VPS13B: variants seen among roughly 807,000 people sequenced by gnomAD.
VPS13B encodes the protein intermembrane lipid transfer protein VPS13B.
A neutral mutation model predicts 426.4 loss-of-function variants in VPS13B; 285 were observed. The observed-to-expected ratio is 0.67, with a 90% CI of 0.61 to 0.74. VPS13B has a LOEUF of 0.74. Among genes scored for constraint, VPS13B ranks in the 30% least tolerant of loss-of-function variants. VPS13B has a pLI of 0.00. For synonymous variants in VPS13B, 1,676 were observed against 1,676.4 expected, an observed-to-expected ratio of 1.00 and a Z score of 0.01; for missense variants, 4,537 against 4,782.6, an observed-to-expected ratio of 0.95 and a Z score of 1.51.
intron 3 of VPS13B, among the ~76,000 whole-genome samples, chr8:99,087,310 A>G (rs929320038): frequency 6.6e-6 from 1 of 152,100 alleles, no homozygotes; most frequent in African/African-American, 2.4e-5. Context: ...TTGGAAAAGC[A>G]CAGTATTAGG....
intron 2 of VPS13B, among the ~76,000 whole-genome samples, chr8:99,022,638 C>G (rs947905657): frequency 5.3e-5 from 8 of 152,066 alleles, no homozygotes; most frequent in Non-Finnish European, 1.2e-4. Flanking sequence ...TAGAGTTCTT[C>G]AAATCTTGTA....
At chr8:99,335,226 C>T (rs933309897) in intron 19 of VPS13B, among the ~76,000 whole-genome samples, 8 of 151,836 alleles carry the variant, frequency 5.3e-5, no homozygotes, top group African/African-American at 1.2e-4. Flanking sequence ...TATTTTATTG[C>T]GTCTATTTGA....
Position 99,640,084 on chromosome 8 carries a change from A to G in VPS13B, c.5221-1727A>G, listed in dbSNP as rs564183320. Among the ~76,000 whole-genome samples, 1,192 of 148,246 alleles carry G rather than the reference A, an allele frequency of 8.0e-3. 20 individuals are homozygous for G. Among genetic ancestry groups the G allele is most frequent in the South Asian group, 0.06 (276 of 4,628 alleles). The stretch of plus-strand genomic sequence containing the variant: ...AAGAAAAGAAAAGAAAAGAAAAGAA[A>G]AGAAAAGAAAAGAAAAGAAAAGAAA... On this transcript the variant is annotated intron_variant, in intron 33 of 61. Coordinates refer to ENST00000357162, the MANE Select transcript of VPS13B (RefSeq NM_152564.5).
At chr8:99,510,962 A>G (rs1821761170) in intron 28 of VPS13B, 142 bp from the exon 29 acceptor site, 1 of 871,130 alleles carries the variant, frequency 1.1e-6, no homozygotes, top group African/African-American at 1.7e-5. Flanking sequence ...CATCTGCAGA[A>G]TTGATCAGTC....
chr8:99,342,199 A>C (rs1012357602), intron 19 of VPS13B, among the ~76,000 whole-genome samples: 3 of 152,250 alleles, frequency 2.0e-5, no homozygotes, highest in African/African-American at 7.2e-5. Flanking sequence ...TGATTAAATC[A>C]AGACAATTAA....
intron 23 of VPS13B, among the ~76,000 whole-genome samples, chr8:99,459,391 A>G (rs1263030021): frequency 7.9e-5 from 12 of 152,146 alleles, no homozygotes. Flanking sequence ...TTTTTGGTTC[A>G]TGTACAGTCA....
intron 39 of VPS13B, among the ~76,000 whole-genome samples, chr8:99,756,088 T>C (rs923633518): frequency 2.0e-5 from 3 of 152,042 alleles, no homozygotes; most frequent in African/African-American, 7.2e-5. Flanking sequence ...AAAAAGGCCA[T>C]GTCTAAAAAG....
intron 39 of VPS13B, among the ~76,000 whole-genome samples, chr8:99,759,657 C>T (rs77870264): frequency 0.043 from 6,515 of 152,082 alleles, 146 homozygotes; most frequent in African/African-American, 0.05. Context: ...TCAGAATGGC[C>T]AAAAATGAAC....
At chr8:99,512,990 C>T (rs1446313110) in intron 29 of VPS13B, among the ~76,000 whole-genome samples, 3 of 139,140 alleles carry the variant, frequency 2.2e-5, no homozygotes, top group African/African-American at 8.1e-5. Context: ...GCTTGGGTGA[C>T]AGAGCAAGAC....
intron 40 of VPS13B, among the ~76,000 whole-genome samples, chr8:99,767,681 C>A (rs999842864): frequency 3.3e-5 from 5 of 152,108 alleles, no homozygotes; most frequent in Non-Finnish European, 4.4e-5. Flanking sequence ...GTAATCCCAG[C>A]ACTTTGGAAG....
intron 39 of VPS13B, among the ~76,000 whole-genome samples, chr8:99,739,800 T>A (rs942072235): frequency 6.6e-6 from 1 of 152,084 alleles, no homozygotes; most frequent in Admixed American, 6.6e-5. Flanking sequence ...AGAAAGGACA[T>A]CCACACCAAA....
chr8:99,872,809 G>T (rs544361300), intron 61 of VPS13B, among the ~76,000 whole-genome samples: 2 of 151,460 alleles, frequency 1.3e-5, no homozygotes, highest in South Asian at 4.2e-4. Flanking sequence ...TCCTGGGATG[G>T]GGGCGTGTAT....
intron 35 of VPS13B, among the ~76,000 whole-genome samples, chr8:99,677,083 T>C (rs1243723431): frequency 6.6e-6 from 1 of 152,160 alleles, no homozygotes; most frequent in Non-Finnish European, 1.5e-5. Flanking sequence ...GTCATTGCAC[T>C]TCAGCCTGGG....
chr8:99,681,577 A>T (rs1340174482), intron 35 of VPS13B, among the ~76,000 whole-genome samples: 3 of 152,230 alleles, frequency 2.0e-5, no homozygotes, highest in Non-Finnish European at 4.4e-5. Context: ...AAACCTTAAC[A>T]GAATCATGTG....
intron 19 of VPS13B, among the ~76,000 whole-genome samples, chr8:99,350,530 A>G (rs1305735708): frequency 6.6e-6 from 1 of 152,150 alleles, no homozygotes; most frequent in African/African-American, 2.4e-5. Flanking sequence ...ATAATTTAGG[A>G]AGTAAAATTT....
rs1412272953 is a variant in VPS13B, at chr8:99,405,769, TC to T, written c.3082+14067del. 3.3e-5 allele frequency among the ~76,000 whole-genome samples: 5 copies of T among 151,710 alleles called. No homozygotes were observed. In the East Asian group the frequency reaches 7.7e-4, roughly 23 times the overall value. The stretch of plus-strand genomic sequence containing the variant: ...CTGTTTCATTTTCTTATATACTTCA[TC>T]CTTTTTTTTCTTTTTTTTTTTTCCT... On this transcript the variant is annotated intron_variant, in intron 21 of 61. Coordinates refer to ENST00000357162, the MANE Select transcript of VPS13B (RefSeq NM_152564.5).
intron 17 of VPS13B, among the ~76,000 whole-genome samples, chr8:99,225,280 C>CT (rs369347939): frequency 0.012 from 1,725 of 148,400 alleles, 24 homozygotes; most frequent in African/African-American, 0.026. Context: ...CTTTTCTTTT[C>CT]TTTTTTTTTT....
chr8:99,451,054 GAAT>G (rs1361972512), intron 23 of VPS13B, among the ~76,000 whole-genome samples: 2 of 152,050 alleles, frequency 1.3e-5, no homozygotes, highest in African/African-American at 2.4e-5. Context: ...AATGCAACCA[GAAT>G]AATAAATGAG....
chr8:99,237,215 C>T lies in VPS13B; in HGVS notation c.2516-36983C>T, dbSNP rs138980807. On this transcript the variant is annotated intron_variant, in intron 17 of 61. Coordinates refer to ENST00000357162, the MANE Select transcript of VPS13B (RefSeq NM_152564.5). ...CTCGGGTATGTCTTTATCAGCAGTG[C>T]GAAAATGGACTAATACAACACCTTA... Among the ~76,000 whole-genome samples the T allele has an allele frequency of 6.3e-3, 965 of 152,132 alleles. 9 individuals carry two copies. The highest frequency in any genetic ancestry group is 0.022 in the African/African-American group (903 of 41,484).
Sources: gnomAD v4.1 joint callset for allele counts (sites outside exome capture counted in the v4.1 genomes callset) on GRCh38, gnomAD v4.1.1 for gene constraint, MANE v1.5 for transcripts, NCBI Gene and HGNC (gene_info 2026-07-23, HGNC 2026-07-21) for gene names.